The following NEBL variants were observed in gnomAD, a reference collection of about 807,000 sequenced individuals.
The protein encoded by NEBL is LIM and SH3 protein 2.
In NEBL, 122 loss-of-function variants were observed where a neutral mutation model predicts 140.2. That is an observed-to-expected ratio of 0.87 (90% confidence interval 0.75 to 1.01). The LOEUF (loss-of-function observed/expected upper bound fraction) is 1.01. Among genes scored for constraint, NEBL ranks in the 50% least tolerant of loss-of-function variants. The probability of loss-of-function intolerance (pLI) is 0.00; values close to 1 mark genes in which losing one functional copy is unlikely to be tolerated. For synonymous variants in NEBL, 436 were observed against 398.9 expected (o/e 1.09, Z -1.11); for missense variants, 1,365 against 1,231.3 (o/e 1.11, Z -1.62).
chr10:20,935,464 C>G (rs1221152705), intron 4 of NEBL, among the ~76,000 whole-genome samples: 1 of 152,112 alleles, frequency 6.6e-6, no homozygotes, highest in Admixed American at 6.6e-5. Context: ...GAGAACACCC[C>G]CAAGAACATG....
At position 21,279,859 on chromosome 10, in the gene NEBL, G is replaced by T. The variant is rs530630125; in HGVS notation, n.182+12971C>A. Among the ~76,000 whole-genome samples the T allele has an allele frequency of 3.0e-4, 46 of 152,146 alleles. No homozygotes were observed. The South Asian group carries it at 9.3e-3, about 31-fold the overall frequency. ...ACGGGCCATCATTTGCTGCCACCTG[G>T]TTCATATGATTCATTGGTATTCTTG... is the stretch of plus-strand genomic sequence containing the variant. On this transcript the variant is annotated intron_variant and non_coding_transcript_variant, in intron 1 of 8. Transcript: ENST00000675702.
chr10:20,821,683 G>C (rs1460280196), intron 19 of NEBL, among the ~76,000 whole-genome samples: 2 of 152,154 alleles, frequency 1.3e-5, no homozygotes, highest in African/African-American at 2.4e-5. Context: ...TAAACATTAA[G>C]ATTGTCAGTA....
chr10:21,166,006 G>C (rs932257365), intron 2 of NEBL, among the ~76,000 whole-genome samples: 31 of 152,024 alleles, frequency 2.0e-4, no homozygotes, highest in Non-Finnish European at 3.8e-4. Flanking sequence ...GGATCACGAG[G>C]TCAGGAGATC....
intron 3 of NEBL, among the ~76,000 whole-genome samples, chr10:21,209,470 A>T (rs1353231222): frequency 6.6e-6 from 1 of 152,062 alleles, no homozygotes; most frequent in African/African-American, 2.4e-5. Flanking sequence ...GCCCCTCTGA[A>T]AAAAGTCAAG....
At chr10:20,896,889 A>T in intron 2 of NEBL, 69 bp downstream of exon 2, 1 of 1,264,396 alleles carries the variant, frequency 7.9e-7, no homozygotes, top group Non-Finnish European at 1.2e-6. Flanking sequence ...CCACAGCTCT[A>T]TGACTCTATA....
At position 21,027,326 on chromosome 10, in the gene NEBL, G is replaced by T. The variant is rs200626913; in HGVS notation, c.165-7125C>A. On this transcript the variant is annotated intron_variant, in intron 2 of 6. Transcript: ENST00000417816. ...TAAAAAAAAAACAACAACTTTTTTT[G>T]TTTTTTTTTTTTTAATTTTCAGATA... 1.6e-4 allele frequency among the ~76,000 whole-genome samples: 23 copies of T among 143,176 alleles called. No homozygotes were observed. In the South Asian group the frequency reaches 2.6e-3, roughly 16 times the overall value. The allele number at this position is 143,176 out of a possible 152,430, so 93.9% of individuals were successfully genotyped here.
At position 20,858,243 on chromosome 10, in the gene NEBL, G is replaced by A. The variant is rs1476548617; in HGVS notation, c.900C>T (p.Ser300=). The change falls in exon 9 of 28, where the codon AGC becomes AGT. Residue 300 remains serine, a synonymous_variant. Coordinates refer to ENST00000377122, the MANE Select transcript of NEBL (RefSeq NM_006393.3). ...DHVLKASKML[S]GREYKKLFEE... is the part of the protein sequence containing the mutation. ...TGCCGCTAGATGAACCACTTACGCC[G>A]CTGAGCATTTTGCTGGCTTTCAAAA... 15 of 1,598,482 alleles carry A rather than the reference G, an allele frequency of 9.4e-6. No individual in the cohort carries two copies. Among genetic ancestry groups the A allele is most frequent in the South Asian group, 6.6e-5 (6 of 90,752 alleles).
At chr10:20,952,904 C>CAAAA (rs34713711) in intron 4 of NEBL, among the ~76,000 whole-genome samples, 2,630 of 62,030 alleles carry the variant, frequency 0.042, 141 homozygotes, top group African/African-American at 0.08. Context: ...GACCCTGTCT[C>CAAAA]AAAAAAAAAA....
intron 4 of NEBL, among the ~76,000 whole-genome samples, chr10:20,922,152 T>C (rs927022828): frequency 6.6e-6 from 1 of 152,054 alleles, no homozygotes; most frequent in African/African-American, 2.4e-5. Flanking sequence ...GAAAAGCACA[T>C]GCGCTGGAGA....
intron 1 of NEBL, among the ~76,000 whole-genome samples, chr10:21,262,741 TG>T (rs1365591629): frequency 6.6e-6 from 1 of 152,172 alleles, no homozygotes; most frequent in Non-Finnish European, 1.5e-5. Context: ...GGGCTGGGGA[TG>T]GAAGGCTGAA....
chr10:20,831,159 G>T, intron 16 of NEBL, 37 bp downstream of exon 16: 1 of 1,371,114 alleles, frequency 7.3e-7, no homozygotes. Flanking sequence ...CATGACATTG[G>T]AATACACGAT....
At chr10:20,964,471 G>T (rs1275199391) in intron 3 of NEBL, among the ~76,000 whole-genome samples, 1 of 152,168 alleles carries the variant, frequency 6.6e-6, no homozygotes, top group East Asian at 1.9e-4. Flanking sequence ...AGGGGAGCCA[G>T]CGTGTCACAT....
intron 7 of NEBL, 126 bp downstream of exon 7, chr10:20,868,538 G>T: frequency 1.3e-6 from 1 of 799,392 alleles, no homozygotes; most frequent in Non-Finnish European, 2.2e-6. Flanking sequence ...TCTGAACTGG[G>T]TTCAGAAACA....
intron 2 of NEBL, among the ~76,000 whole-genome samples, chr10:21,082,248 A>C (rs2131938511): frequency 6.6e-6 from 1 of 152,314 alleles, no homozygotes; most frequent in East Asian, 1.9e-4. Flanking sequence ...GCATCATTCT[A>C]GATTGGATCC....
At chr10:21,199,163 G>A (rs538601468) in intron 3 of NEBL, among the ~76,000 whole-genome samples, 5 of 151,160 alleles carry the variant, frequency 3.3e-5, no homozygotes, top group East Asian at 4.0e-4. Context: ...TTGCTGGGAC[G>A]ACGGGTGTGA....
At chr10:20,911,403 ACT>A (rs1219238066) in intron 4 of NEBL, among the ~76,000 whole-genome samples, 4 of 152,340 alleles carry the variant, frequency 2.6e-5, no homozygotes, top group African/African-American at 7.2e-5. Context: ...AGCATTCAAC[ACT>A]GTGAAAATGG....
chr10:21,102,748 T>G (rs1837531386), intron 2 of NEBL, among the ~76,000 whole-genome samples: 1 of 152,258 alleles, frequency 6.6e-6, no homozygotes, highest in East Asian at 1.9e-4. Context: ...AGTTTAGAGC[T>G]ATCAGAAATA....
upstream of NEBL, chr10:20,899,349 G>A (rs1174312596): frequency 1.6e-6 from 2 of 1,238,292 alleles, no homozygotes; most frequent in Admixed American, 2.3e-5. Context: ...TGTTACTCAG[G>A]GTGACACCTA....
chr10:21,104,924 T>C (rs1837640516), intron 2 of NEBL, among the ~76,000 whole-genome samples: 1 of 152,212 alleles, frequency 6.6e-6, no homozygotes, highest in South Asian at 2.1e-4. Flanking sequence ...CTCAGAGTTA[T>C]TATCAAGAAT....
Sources: gnomAD v4.1 joint callset for allele counts (sites outside exome capture counted in the v4.1 genomes callset) on GRCh38, gnomAD v4.1.1 for gene constraint, MANE v1.5 for transcripts, NCBI Gene and HGNC (gene_info 2026-07-23, HGNC 2026-07-21) for gene names.